CACNA1B: variants seen among roughly 807,000 people sequenced by gnomAD.
CACNA1B encodes voltage-dependent N-type calcium channel subunit alpha-1B.
A neutral mutation model predicts 247.2 loss-of-function variants in CACNA1B; 70 were observed. The ratio of observed to expected loss-of-function variants is 0.28; its 90% CI spans 0.23 to 0.35. The LOEUF is 0.35. Ranked by LOEUF, CACNA1B falls within the 10% of genes least tolerant of loss-of-function variation. The pLI, the probability that CACNA1B is intolerant of heterozygous loss-of-function variation, is 1.00. For missense variants in CACNA1B, 2,367 were observed against 3,197.4 expected, an observed-to-expected ratio of 0.74 and a Z score of 6.26; for synonymous variants, 1,231 against 1,294.4, an observed-to-expected ratio of 0.95 and a Z score of 1.05.
At chr9:137,910,887 T>C (rs190071071) in intron 3 of CACNA1B, among the ~76,000 whole-genome samples, 1 of 152,302 alleles carries the variant, frequency 6.6e-6, no homozygotes, top group Non-Finnish European at 1.5e-5. Context: ...TTACTTTTGA[T>C]GAAGTTCAAT....
chr9:137,880,804 C>T lies in CACNA1B; in HGVS notation c.390+1645C>T, dbSNP rs1245970935. On this transcript the variant is annotated intron_variant, in intron 2 of 46. Transcript: ENST00000371372. The surrounding 1 kb of genome is among the most constrained non-coding windows in gnomAD (Gnocchi z 4.8). ...CTGTGCTGCTGCCCACAGAGCAGGCCGAGGCTGGGTGGTGCAGGGGCAGCC... is the reference window on the plus strand; with the variant it reads ...CTGTGCTGCTGCCCACAGAGCAGGCTGAGGCTGGGTGGTGCAGGGGCAGCC... Among the ~76,000 whole-genome samples the T allele has an allele frequency of 2.6e-5, 4 of 152,140 alleles. No homozygotes were observed. The highest frequency in any genetic ancestry group is 2.1e-4 in the South Asian group (1 of 4,824).
rs2133413869 is a variant in CACNA1B at position 138,007,245 on chromosome 9, G to C, written c.2092+361G>C. ...TTGTGTACTTAGGTTTTGGCACTGGGCTTTAAAAAGGAGCCCTTCCCCCTG... is the reference window on the plus strand; with the variant it reads ...TTGTGTACTTAGGTTTTGGCACTGGCCTTTAAAAAGGAGCCCTTCCCCCTG... On this transcript the variant is annotated intron_variant, in intron 16 of 46. Transcript: ENST00000371372. The surrounding 1 kb of genome is among the most constrained non-coding windows in gnomAD (Gnocchi z 4.1). Among the ~76,000 whole-genome samples, 1 of 152,314 alleles carries C rather than the reference G, an allele frequency of 6.6e-6. No homozygotes were observed. The highest frequency in any genetic ancestry group is 1.9e-4 in the East Asian group (1 of 5,182).
At chr9:137,998,353 G>A (rs1205603676) in intron 15 of CACNA1B, among the ~76,000 whole-genome samples, 1 of 152,184 alleles carries the variant, frequency 6.6e-6, no homozygotes, top group Admixed American at 6.5e-5. Context: ...GCTCATGCCT[G>A]TAATCCCAGC....
intron 6 of CACNA1B, among the ~76,000 whole-genome samples, chr9:137,926,484 C>T (rs543848952): frequency 3.9e-5 from 6 of 152,324 alleles, no homozygotes; most frequent in Admixed American, 3.9e-4. Context: ...AAGAGTGCTG[C>T]CATGAACATG....
rs370157327 is a variant in CACNA1B, at chr9:138,053,932, C to T, written c.3894C>T (p.Val1298=). Reference sequence around the variant, plus strand: ...TGCTCTTCATGTTCATATTTGCCGTCATTGCGGTGCAGCTCTTCAAAGGGA... The same window carrying T: ...TGCTCTTCATGTTCATATTTGCCGTTATTGCGGTGCAGCTCTTCAAAGGGA... ...VYMLFMFIFA[V]IAVQLFKGKF... is the part of the protein sequence containing the mutation. The change falls in exon 26 of 47, where the codon GTC becomes GTT. Residue 1298 remains valine (V), a synonymous_variant. Transcript: ENST00000371372. The T allele has an allele frequency of 2.5e-6, 4 of 1,613,654 alleles. No homozygotes were observed. The highest frequency in any genetic ancestry group is 2.2e-5 in the South Asian group (2 of 91,082).
rs1961779650 is a variant in CACNA1B at position 138,114,359 on chromosome 9, C to T, written c.5537-19C>T. On this transcript the variant is annotated intron_variant, in intron 40 of 46. Coordinates refer to ENST00000371372, the MANE Select transcript of CACNA1B (RefSeq NM_000718.4). The stretch of plus-strand genomic sequence containing the variant: ...CTCTGCCCCCTTCTCCGAATCTCAA[C>T]TCCTGTGTTCTTTTCCAGCTGATGA... 1.5e-6 allele frequency: 2 copies of T among 1,290,918 alleles called. No individual in the cohort carries two copies. The highest frequency in any genetic ancestry group is 1.4e-5 in the African/African-American group (1 of 70,124). 80.0% of individuals were successfully genotyped at this position (1,290,918 alleles called of 1,614,324 possible).
chr9:137,989,325 G>A (rs1380956107), intron 15 of CACNA1B, among the ~76,000 whole-genome samples: 1 of 152,188 alleles, frequency 6.6e-6, no homozygotes, highest in Non-Finnish European at 1.5e-5. Context: ...GAGTATGGGT[G>A]AGCCGGAGGA....
intron 37 of CACNA1B, among the ~76,000 whole-genome samples, chr9:138,098,163 C>T (rs934333243): frequency 1.3e-5 from 2 of 152,208 alleles, no homozygotes; most frequent in Non-Finnish European, 2.9e-5. Context: ...TGACAATTTC[C>T]GTGGCTTGCG....
intron 3 of CACNA1B, among the ~76,000 whole-genome samples, chr9:137,902,954 G>A (rs1020708340): frequency 6.6e-6 from 1 of 152,234 alleles, no homozygotes; most frequent in Non-Finnish European, 1.5e-5. Flanking sequence ...GATTCCTCTT[G>A]TCAAGCATTT....
chr9:138,077,047 C>G (rs904261520), intron 35 of CACNA1B, among the ~76,000 whole-genome samples: 1 of 152,246 alleles, frequency 6.6e-6, no homozygotes, highest in Non-Finnish European at 1.5e-5. Flanking sequence ...CCTATGAAGT[C>G]AGCCTTAGTT....
Position 138,076,221 on chromosome 9 carries a change from G to A in CACNA1B, c.4949+311G>A, listed in dbSNP as rs532099170. 7.2e-5 allele frequency among the ~76,000 whole-genome samples: 11 copies of A among 152,316 alleles called. No homozygotes were observed. The East Asian group carries it at 1.4e-3, about 19-fold the overall frequency. On this transcript the variant is annotated intron_variant, in intron 35 of 46. Transcript: ENST00000371372. ...CCCTGGCGACAGCTTGGGAGCCTCC[G>A]GTGAGGCTCCAGGCAGAGGTCTGGG...
In CACNA1B at chr9:137,986,091, A is replaced by T. The variant is rs1958358099; in HGVS notation, c.1770-322A>T. The stretch of plus-strand genomic sequence containing the variant: ...GGGTGTTGAGGAGTGAGGGGCAGGG[A>T]GGGGCCGAGGATGAAGTTTGGGATT... On this transcript the variant is annotated intron_variant, in intron 13 of 46. Transcript: ENST00000371372. The surrounding 1 kb of genome is among the most constrained non-coding windows in gnomAD (Gnocchi z 6.0). Among the ~76,000 whole-genome samples the T allele has an allele frequency of 6.6e-6, 1 of 152,122 alleles. No homozygotes were observed. The highest frequency in any genetic ancestry group is 2.1e-4 in the South Asian group (1 of 4,830).
chr9:137,960,418 AGGTCAGCCTGAGAGACGGAGGGGGAGGG>A (rs1958004510), intron 10 of CACNA1B, among the ~76,000 whole-genome samples: 1 of 10,544 alleles, frequency 9.5e-5, no homozygotes, highest in African/African-American at 3.7e-4. Context: ...GGGGGAGGGG[AGGTCAGCCTGAGAGACGGAGGGGGAGGG>A]GAGGTCGGCC....
intron 6 of CACNA1B, among the ~76,000 whole-genome samples, chr9:137,945,534 G>A (rs1039972659): frequency 4.6e-5 from 7 of 152,234 alleles, no homozygotes; most frequent in Non-Finnish European, 1.0e-4. Flanking sequence ...CCTGGCTGAA[G>A]GCCCCGACTT....
At chr9:137,907,672 C>A (rs529833634) in intron 3 of CACNA1B, among the ~76,000 whole-genome samples, 19 of 151,598 alleles carry the variant, frequency 1.3e-4, no homozygotes, top group Non-Finnish European at 2.4e-4. Context: ...TTCAGAAAAC[C>A]AATTCTTTTT....
At position 137,886,701 on chromosome 9, in the gene CACNA1B, G is replaced by C. The variant is rs540458776; in HGVS notation, c.530+3818G>C. On this transcript the variant is annotated intron_variant, in intron 3 of 46. Coordinates refer to ENST00000371372, the MANE Select transcript of CACNA1B (RefSeq NM_000718.4). Reference sequence around the variant, plus strand: ...GTCGGCGGGTGGACGGATGACCAGAGAGCAGTCGGCGGGTGGACGGATGAG... The same window carrying C: ...GTCGGCGGGTGGACGGATGACCAGACAGCAGTCGGCGGGTGGACGGATGAG... Among the ~76,000 whole-genome samples, 225 of 151,240 alleles carry C rather than the reference G, an allele frequency of 1.5e-3. 4 individuals are homozygous for C. The highest frequency in any genetic ancestry group is 5.0e-3 in the African/African-American group (206 of 41,290).
intron 11 of CACNA1B, among the ~76,000 whole-genome samples, chr9:137,975,495 G>A (rs1490937294): frequency 6.6e-6 from 1 of 152,176 alleles, no homozygotes; most frequent in African/African-American, 2.4e-5. Flanking sequence ...TTGGGGTGAG[G>A]CCAGAGGCGG....
chr9:138,115,767 C>T (rs2131368133), intron 42 of CACNA1B, 88 bp downstream of exon 42: 2 of 1,386,548 alleles, frequency 1.4e-6, no homozygotes, highest in African/African-American at 1.4e-5. Flanking sequence ...CCTCAACCTC[C>T]CTGGCCCTCA....
Position 138,020,889 on chromosome 9 carries a change from C to T in CACNA1B, c.2268-2122C>T, listed in dbSNP as rs1355524467. Among the ~76,000 whole-genome samples the T allele has an allele frequency of 1.3e-5, 2 of 152,272 alleles. No individual in the cohort carries two copies. The highest frequency in any genetic ancestry group is 4.1e-4 in the South Asian group (2 of 4,822). ...CCCCACCTTCACACAGACCCTGTGCCTCTGCATGTTCCCCATGGTCCTCAC... is the reference window on the plus strand; with the variant it reads ...CCCCACCTTCACACAGACCCTGTGCTTCTGCATGTTCCCCATGGTCCTCAC... On this transcript the variant is annotated intron_variant, in intron 18 of 46. Transcript: ENST00000371372. The surrounding 1 kb of genome is among the most constrained non-coding windows in gnomAD (Gnocchi z 4.1).
Sources: gnomAD v4.1 joint callset for allele counts (sites outside exome capture counted in the v4.1 genomes callset) on GRCh38, gnomAD v4.1.1 for gene constraint, Gnocchi (gnomAD v3.1) non-coding constraint, MANE v1.5 for transcripts, NCBI Gene and HGNC (gene_info 2026-07-23, HGNC 2026-07-21) for gene names.